PARD3: variants seen among roughly 807,000 people sequenced by gnomAD.
PARD3 encodes the protein par-3 family cell polarity regulator.
Under a neutral mutation model 155.4 loss-of-function variants are expected in PARD3, and 75 were observed. The ratio of observed to expected loss-of-function variants is 0.48; its 90% CI spans 0.40 to 0.58. The LOEUF (loss-of-function observed/expected upper bound fraction) is 0.58, where lower values mean the gene tolerates loss of function less well. PARD3 is among the 20% of genes least tolerant of loss of function. The pLI is 0.00. For missense variants in PARD3, 1,642 were observed against 1,721.7 expected, an observed-to-expected ratio of 0.95 and a Z score of 0.82; for synonymous variants, 576 against 610.5, an observed-to-expected ratio of 0.94 and a Z score of 0.83.
At chr10:34,690,380 T>C (rs917143020) in intron 2 of PARD3, among the ~76,000 whole-genome samples, 4 of 152,194 alleles carry the variant, frequency 2.6e-5, no homozygotes, top group Admixed American at 6.5e-5. Context: ...GCAAAAATCA[T>C]TGTGCTGAAC....
chr10:34,358,183 A>T (rs1409117471), intron 14 of PARD3, among the ~76,000 whole-genome samples: 1 of 152,154 alleles, frequency 6.6e-6, no homozygotes, highest in Non-Finnish European at 1.5e-5. Context: ...ATAATTTATA[A>T]TGGATCCATG....
intron 22 of PARD3, among the ~76,000 whole-genome samples, chr10:34,152,665 T>C (rs1039724871): frequency 6.6e-6 from 1 of 152,200 alleles, no homozygotes; most frequent in African/African-American, 2.4e-5. Context: ...TAATACTTTA[T>C]GTTTTTTTCA....
intron 2 of PARD3, among the ~76,000 whole-genome samples, chr10:34,658,633 C>T (rs1203411971): frequency 6.6e-6 from 1 of 152,064 alleles, no homozygotes; most frequent in Non-Finnish European, 1.5e-5. Context: ...AATCTAAAAA[C>T]GAGAAGGAAC....
intron 1 of PARD3, among the ~76,000 whole-genome samples, chr10:34,714,462 C>T (rs2094489462): frequency 6.6e-6 from 1 of 152,172 alleles, no homozygotes; most frequent in African/African-American, 2.4e-5. Flanking sequence ...GCACACCCCA[C>T]ACTGCGTGGG....
intron 14 of PARD3, among the ~76,000 whole-genome samples, chr10:34,352,717 T>C (rs1260510939): frequency 6.6e-6 from 1 of 152,212 alleles, no homozygotes; most frequent in Non-Finnish European, 1.5e-5. Flanking sequence ...CGCAGCCGCC[T>C]GCCTTGGCCT....
intron 22 of PARD3, among the ~76,000 whole-genome samples, chr10:34,152,511 C>T (rs970605523): frequency 3.9e-5 from 6 of 152,146 alleles, no homozygotes; most frequent in African/African-American, 1.2e-4. Context: ...GTATTATAAT[C>T]TTATGGAACC....
intron 2 of PARD3, among the ~76,000 whole-genome samples, chr10:34,669,993 A>C (rs888004325): frequency 1.3e-5 from 2 of 152,258 alleles, no homozygotes; most frequent in Non-Finnish European, 2.9e-5. Context: ...AGATAACCAG[A>C]AAATGGCTAA....
intron 7 of PARD3, among the ~76,000 whole-genome samples, chr10:34,387,803 G>GT (rs11323020): frequency 7.9e-5 from 12 of 151,924 alleles, no homozygotes; most frequent in East Asian, 3.9e-4. Context: ...AAACCTATGT[G>GT]TTTTTTTTCT....
intron 3 of PARD3, among the ~76,000 whole-genome samples, chr10:34,507,283 T>C (rs2081128410): frequency 6.6e-6 from 1 of 152,142 alleles, no homozygotes; most frequent in Admixed American, 6.6e-5. Context: ...ATAAACTTAA[T>C]TTCTTAAATG....
chr10:34,355,952 C>CAAAAAA (rs1170159840), intron 14 of PARD3, among the ~76,000 whole-genome samples: 4 of 104,308 alleles, frequency 3.8e-5, no homozygotes, highest in Non-Finnish European at 5.6e-5. Flanking sequence ...AAAAACAAAA[C>CAAAAAA]AAAACCAAAC....
chr10:34,814,839 C>A, intron 1 of PARD3, 37 bp downstream of exon 1: 1 of 1,103,204 alleles, frequency 9.1e-7, no homozygotes, highest in South Asian at 1.4e-5. Flanking sequence ...CCGTCCCCGC[C>A]GCCGCCCCCT....
At chr10:34,414,975 T>C (rs1023571251) in intron 5 of PARD3, among the ~76,000 whole-genome samples, 2 of 152,038 alleles carry the variant, frequency 1.3e-5, no homozygotes, top group East Asian at 1.9e-4. Flanking sequence ...GATGCAGACA[T>C]GCAGATTCAT....
chr10:34,440,065 T>A (rs2076386894), intron 5 of PARD3, among the ~76,000 whole-genome samples: 1 of 152,090 alleles, frequency 6.6e-6, no homozygotes, highest in South Asian at 2.1e-4. Flanking sequence ...AAGACGGGAA[T>A]TTTTTAGGGC....
intron 12 of PARD3, among the ~76,000 whole-genome samples, chr10:34,365,624 T>C (rs906294935): frequency 6.6e-6 from 1 of 152,218 alleles, no homozygotes; most frequent in Non-Finnish European, 1.5e-5. Flanking sequence ...AGTCTCGCTC[T>C]GTTGCCCAGG....
At chr10:34,151,460 T>C (rs191519821) in intron 22 of PARD3, among the ~76,000 whole-genome samples, 63 of 152,294 alleles carry the variant, frequency 4.1e-4, no homozygotes, top group African/African-American at 1.3e-3. Flanking sequence ...ATAAAATCCT[T>C]ATTCTAAAAA....
At chr10:34,498,449 G>C (rs921185181) in intron 3 of PARD3, among the ~76,000 whole-genome samples, 3 of 152,020 alleles carry the variant, frequency 2.0e-5, no homozygotes, top group Non-Finnish European at 4.4e-5. Context: ...TTTATGTCAC[G>C]CTTTATTCCT....
intron 22 of PARD3, among the ~76,000 whole-genome samples, chr10:34,190,938 G>A (rs1950679842): frequency 6.6e-6 from 1 of 152,080 alleles, no homozygotes; most frequent in Non-Finnish European, 1.5e-5. Context: ...AGGCTGGTGT[G>A]TGGAATGCGG....
intron 1 of PARD3, among the ~76,000 whole-genome samples, chr10:34,796,902 T>G (rs1021948193): frequency 1.3e-5 from 2 of 152,188 alleles, no homozygotes; most frequent in African/African-American, 4.8e-5. Flanking sequence ...GGAGAATCAC[T>G]TGAACCCAGG....
At chr10:34,479,872 A>C (rs2133187911) in intron 3 of PARD3, among the ~76,000 whole-genome samples, 1 of 152,314 alleles carries the variant, frequency 6.6e-6, no homozygotes, top group South Asian at 2.1e-4. Flanking sequence ...AGGACAGTTT[A>C]GCAGAAAGAC....
Sources: allele counts gnomAD v4.1 joint callset (sites outside exome capture counted in the v4.1 genomes callset), GRCh38; gene constraint gnomAD v4.1.1; transcripts MANE v1.5; gene names NCBI Gene and HGNC (gene_info 2026-07-23, HGNC 2026-07-21).